Variants in NELL1 observed in about 807,000 individuals in gnomAD.
NELL1 encodes the protein protein kinase C-binding protein NELL1.
In NELL1, 76 loss-of-function variants were observed where a neutral mutation model predicts 107.4. The observed-to-expected ratio is 0.71, with a 90% CI of 0.59 to 0.86. The LOEUF (loss-of-function observed/expected upper bound fraction) is 0.86, where lower values mean the gene tolerates loss of function less well. Among genes scored for constraint, NELL1 ranks in the 40% least tolerant of loss-of-function variants. The pLI, the probability that NELL1 is intolerant of heterozygous loss-of-function variation, is 0.00. For missense variants in NELL1, 1,024 were observed against 1,005.5 expected (o/e 1.02, Z -0.25); for synonymous variants, 353 against 341.2 (o/e 1.03, Z -0.38).
At chr11:21,288,345 G>A (rs1022688372) in intron 14 of NELL1, among the ~76,000 whole-genome samples, 1 of 152,194 alleles carries the variant, frequency 6.6e-6, no homozygotes, top group African/African-American at 2.4e-5. Context: ...CTGAGAAAAT[G>A]TCTGTACTGC....
At chr11:21,338,345 G>T (rs1278125215) in intron 14 of NELL1, among the ~76,000 whole-genome samples, 2 of 152,152 alleles carry the variant, frequency 1.3e-5, no homozygotes, top group African/African-American at 4.8e-5. Context: ...GAGAACCTTG[G>T]AGAAAATACA....
intron 14 of NELL1, among the ~76,000 whole-genome samples, chr11:21,241,877 G>A (rs1238963076): frequency 1.4e-5 from 2 of 147,368 alleles, no homozygotes; most frequent in East Asian, 4.0e-4. Context: ...CCATCTTCTG[G>A]TTCGACTGAA....
chr11:21,146,790 C>T (rs540340114), intron 13 of NELL1, among the ~76,000 whole-genome samples: 15 of 140,780 alleles, frequency 1.1e-4, no homozygotes, highest in African/African-American at 3.7e-4. Flanking sequence ...TGCCTGTAAT[C>T]CCAGCACTTT....
chr11:20,996,633 A>G (rs1367286322), intron 12 of NELL1, among the ~76,000 whole-genome samples: 6 of 152,158 alleles, frequency 3.9e-5, no homozygotes, highest in Non-Finnish European at 8.8e-5. Flanking sequence ...CTTTCTTCCC[A>G]TATCAGGAGT....
At chr11:21,570,195 C>T (rs76632957) in intron 17 of NELL1, among the ~76,000 whole-genome samples, 6,379 of 151,774 alleles carry the variant, frequency 0.042, 430 homozygotes, top group African/African-American at 0.14. Context: ...AACTTTAAGG[C>T]GATCTTGCCA....
At chr11:21,369,104 G>C (rs1295558677) in intron 14 of NELL1, among the ~76,000 whole-genome samples, 1 of 152,032 alleles carries the variant, frequency 6.6e-6, no homozygotes. Context: ...ATGAAGTGCA[G>C]TTTCAACTCT....
intron 3 of NELL1, among the ~76,000 whole-genome samples, chr11:20,797,988 T>A (rs1857207015): frequency 6.6e-6 from 1 of 152,202 alleles, no homozygotes; most frequent in East Asian, 1.9e-4. Context: ...ATGTGGGCCA[T>A]CTAGAGATGC....
intron 12 of NELL1, among the ~76,000 whole-genome samples, chr11:20,985,829 G>A (rs1329681073): frequency 6.6e-6 from 1 of 152,126 alleles, no homozygotes; most frequent in Non-Finnish European, 1.5e-5. Flanking sequence ...TGGAGCAGAA[G>A]AAGAACCTTG....
chr11:21,477,902 A>T (rs1244438347), intron 15 of NELL1, among the ~76,000 whole-genome samples: 2 of 84,138 alleles, frequency 2.4e-5, no homozygotes, highest in South Asian at 6.2e-4. Flanking sequence ...AATTATAAAA[A>T]TTATAAGAAA....
intron 12 of NELL1, among the ~76,000 whole-genome samples, chr11:20,962,812 G>A (rs1319001574): frequency 1.3e-5 from 2 of 152,206 alleles, no homozygotes; most frequent in Admixed American, 1.3e-4. Flanking sequence ...ATGGCAATGT[G>A]ACTGGGCTTC....
intron 11 of NELL1, among the ~76,000 whole-genome samples, chr11:20,956,645 CA>C (rs541321546): frequency 0.089 from 8,001 of 89,410 alleles, 227 homozygotes; most frequent in Middle Eastern, 0.2. Flanking sequence ...GACTCCATCT[CA>C]AAAAAAAAAA....
At chr11:21,172,236 A>C (rs2133813711) in intron 13 of NELL1, among the ~76,000 whole-genome samples, 1 of 151,966 alleles carries the variant, frequency 6.6e-6, no homozygotes, top group East Asian at 1.9e-4. Context: ...TTAGATTCTA[A>C]CTACTAGTAA....
rs12363321 is a variant in NELL1 at position 20,726,505 on chromosome 11, A to T, written c.184+48445A>T. On this transcript the variant is annotated intron_variant, in intron 2 of 19. Transcript: ENST00000357134. ...AGTTTTGCATAGTATTGAACTTTAC[A>T]CAAGTTGAACCCCACAGTAGAAAAA... Among the ~76,000 whole-genome samples the T allele has an allele frequency of 2.6e-5, 4 of 151,750 alleles. No homozygotes were observed. In the East Asian group the frequency reaches 7.7e-4, roughly 29 times the overall value.
intron 3 of NELL1, among the ~76,000 whole-genome samples, chr11:20,847,133 C>T (rs1848714431): frequency 6.6e-6 from 1 of 152,108 alleles, no homozygotes; most frequent in Non-Finnish European, 1.5e-5. Context: ...TCTTTTCATT[C>T]TGACAATGTA....
intron 13 of NELL1, among the ~76,000 whole-genome samples, chr11:21,142,272 A>G (rs1855885639): frequency 6.6e-6 from 1 of 152,200 alleles, no homozygotes; most frequent in Non-Finnish European, 1.5e-5. Flanking sequence ...GTAATGAACT[A>G]TCCACAGCAT....
At chr11:21,497,449 C>G (rs894448823) in intron 15 of NELL1, among the ~76,000 whole-genome samples, 4 of 152,048 alleles carry the variant, frequency 2.6e-5, no homozygotes, top group Admixed American at 2.6e-4. Flanking sequence ...GTTTGACTCT[C>G]TTATGATCCA....
intron 14 of NELL1, among the ~76,000 whole-genome samples, chr11:21,285,165 T>G (rs1849087805): frequency 1.3e-5 from 2 of 152,234 alleles, no homozygotes; most frequent in East Asian, 1.9e-4. Context: ...TAAAAATTTT[T>G]TGTTTAAATT....
intron 13 of NELL1, among the ~76,000 whole-genome samples, chr11:21,192,449 C>T (rs1407066912): frequency 6.6e-6 from 1 of 151,746 alleles, no homozygotes; most frequent in Non-Finnish European, 1.5e-5. Flanking sequence ...ATTTATTTGT[C>T]TCACTGTTTG....
In NELL1 at chr11:21,157,726, G is replaced by A. The variant is rs117825331; in HGVS notation, c.1426+44012G>A. Among the ~76,000 whole-genome samples, 744 of 152,256 alleles carry A rather than the reference G, an allele frequency of 4.9e-3. 4 individuals carry two copies. The highest frequency in any genetic ancestry group is 0.014 in the Middle Eastern group (4 of 294). ...TAAACTCTGGAGTCAGGCTGCCAGGGTATAGATCTTCCATGCAACATCTTG... is the reference window on the plus strand; with the variant it reads ...TAAACTCTGGAGTCAGGCTGCCAGGATATAGATCTTCCATGCAACATCTTG... On this transcript the variant is annotated intron_variant, in intron 13 of 19. Transcript: ENST00000357134.
Sources: allele counts gnomAD v4.1 joint callset (sites outside exome capture counted in the v4.1 genomes callset), GRCh38; gene constraint gnomAD v4.1.1; transcripts MANE v1.5; gene names NCBI Gene and HGNC (gene_info 2026-07-23, HGNC 2026-07-21).